The following TAF4B variants were observed in gnomAD, a reference collection of about 807,000 sequenced individuals.
TAF4B encodes the protein transcription initiation factor TFIID subunit 4B.
In TAF4B, 38 loss-of-function variants were observed where a neutral mutation model predicts 86.4. The observed-to-expected ratio is 0.44, with a 90% CI of 0.34 to 0.58. The LOEUF (loss-of-function observed/expected upper bound fraction) is 0.58, where lower values mean the gene tolerates loss of function less well. Ranked by LOEUF, TAF4B falls within the 20% of genes least tolerant of loss-of-function variation. The pLI is 0.02. For synonymous variants in TAF4B, 388 were observed against 391.2 expected (o/e 0.99, Z 0.10); for missense variants, 988 against 1,027.6 (o/e 0.96, Z 0.53).
intron 7 of TAF4B, among the ~76,000 whole-genome samples, chr18:26,287,242 G>A (rs2056535354): frequency 6.6e-6 from 1 of 152,128 alleles, no homozygotes; most frequent in South Asian, 2.1e-4. Flanking sequence ...GGCCTCAACT[G>A]TTCCTCTCGA....
At chr18:26,366,141 G>A (rs1567924597) in intron 14 of TAF4B, among the ~76,000 whole-genome samples, 1 of 152,084 alleles carries the variant, frequency 6.6e-6, no homozygotes, top group African/African-American at 2.4e-5. Context: ...ATTTTATAAA[G>A]GAAGAGTTAT....
chr18:26,289,641 C>G (rs185797255), intron 7 of TAF4B, among the ~76,000 whole-genome samples: 1 of 152,174 alleles, frequency 6.6e-6, no homozygotes. Flanking sequence ...TGCAGACCAT[C>G]ACACCCGGCT....
At chr18:26,314,594 G>C (rs1176691564) in intron 9 of TAF4B, among the ~76,000 whole-genome samples, 2 of 152,128 alleles carry the variant, frequency 1.3e-5, no homozygotes. Flanking sequence ...CACACCAAAA[G>C]TCTGAAACAG....
At chr18:26,285,781 T>C in intron 6 of TAF4B, 101 bp from the exon 7 acceptor site, 1 of 1,385,392 alleles carries the variant, frequency 7.2e-7, no homozygotes, top group Non-Finnish European at 9.8e-7. Context: ...CTTGATACAC[T>C]TTTGATTGGT....
Position 26,304,953 on chromosome 18 carries a change from A to C in TAF4B, c.1833-10276A>C, listed in dbSNP as rs746634221. 1.3e-4 allele frequency: 103 copies of C among 816,490 alleles called. 2 individuals are homozygous for C. The highest frequency in any genetic ancestry group is 1.2e-4 in the Admixed American group (2 of 16,072). The allele number at this position is 816,490 out of a possible 1,614,324, so 50.6% of individuals were successfully genotyped here. On this transcript the variant is annotated intron_variant, in intron 9 of 14. Coordinates refer to ENST00000269142, the MANE Select transcript of TAF4B (RefSeq NM_005640.3). The stretch of plus-strand genomic sequence containing the variant: ...CTTATTGCTTTCCAGACTTATGTAC[A>C]TATGCTGGACAGTAGTAATTCTTTG...
At chr18:26,246,436 G>A (rs1046208974) in intron 1 of TAF4B, among the ~76,000 whole-genome samples, 2 of 152,180 alleles carry the variant, frequency 1.3e-5, no homozygotes, top group African/African-American at 4.8e-5. Flanking sequence ...ATGTAATAGA[G>A]TGTAGCAACA....
At chr18:26,323,373 ACT>A (rs2056978089) in intron 11 of TAF4B, among the ~76,000 whole-genome samples, 1 of 151,988 alleles carries the variant, frequency 6.6e-6, no homozygotes, top group Non-Finnish European at 1.5e-5. Context: ...ACAGGGTCTC[ACT>A]CTGTCATCCA....
chr18:26,261,348 C>T (rs920260659), intron 1 of TAF4B, among the ~76,000 whole-genome samples: 26 of 151,430 alleles, frequency 1.7e-4, no homozygotes, highest in African/African-American at 6.3e-4. Flanking sequence ...CTACAGGCGC[C>T]CGCCACTACG....
intron 14 of TAF4B, among the ~76,000 whole-genome samples, chr18:26,385,560 T>C: frequency 7.8e-6 from 1 of 127,618 alleles, no homozygotes; most frequent in African/African-American, 2.5e-5. Context: ...TCGTTTCATC[T>C]TTCATTTTCA....
chr18:26,295,886 C>T (rs1474969420), intron 9 of TAF4B, among the ~76,000 whole-genome samples: 2 of 152,022 alleles, frequency 1.3e-5, no homozygotes, highest in Admixed American at 1.3e-4. Flanking sequence ...GGTGGTTCCT[C>T]AATTCCTATT....
chr18:26,249,200 T>A (rs1598723767), intron 1 of TAF4B, among the ~76,000 whole-genome samples: 1 of 149,608 alleles, frequency 6.7e-6, no homozygotes, highest in Admixed American at 6.7e-5. Flanking sequence ...GGAACCTGGC[T>A]GGGTGCGGTG....
chr18:26,282,095 G>T (rs759836687), intron 6 of TAF4B, 35 bp downstream of exon 6: 5 of 1,479,796 alleles, frequency 3.4e-6, no homozygotes, highest in Non-Finnish European at 4.7e-6. Context: ...AAATAATTTG[G>T]ATTAGATTAC....
chr18:26,265,377 G>A, intron 2 of TAF4B, 62 bp downstream of exon 2: 1 of 1,505,112 alleles, frequency 6.6e-7, no homozygotes. Context: ...TCATATAAAT[G>A]TTGTGTATAT....
intron 3 of TAF4B, among the ~76,000 whole-genome samples, chr18:26,268,658 C>T (rs1412007037): frequency 6.6e-6 from 1 of 152,100 alleles, no homozygotes; most frequent in Non-Finnish European, 1.5e-5. Flanking sequence ...ACACATACTT[C>T]TTTTTGCCTC....
chr18:26,361,015 G>T (rs879866952), intron 14 of TAF4B, among the ~76,000 whole-genome samples: 1 of 152,010 alleles, frequency 6.6e-6, no homozygotes, highest in Non-Finnish European at 1.5e-5. Flanking sequence ...AGCACTGCAG[G>T]ACTGCCCAAT....
chr18:26,377,341 A>G (rs955272636), intron 14 of TAF4B, among the ~76,000 whole-genome samples: 10 of 152,114 alleles, frequency 6.6e-5, no homozygotes, highest in African/African-American at 2.4e-4. Context: ...TTACGATTCA[A>G]TCTCTTCCTC....
intron 1 of TAF4B, among the ~76,000 whole-genome samples, chr18:26,259,622 T>C (rs1292629766): frequency 6.6e-6 from 1 of 152,242 alleles, no homozygotes; most frequent in African/African-American, 2.4e-5. Context: ...CTCATCCTTT[T>C]TTATGGCTGC....
intron 14 of TAF4B, among the ~76,000 whole-genome samples, chr18:26,374,922 G>A (rs1171726375): frequency 2.0e-5 from 3 of 151,986 alleles, no homozygotes; most frequent in Non-Finnish European, 4.4e-5. Flanking sequence ...TTTTTTCATC[G>A]AGATATAATT....
At chr18:26,300,557 TTTTA>T (rs1327518793) in intron 9 of TAF4B, among the ~76,000 whole-genome samples, 3 of 151,588 alleles carry the variant, frequency 2.0e-5, no homozygotes, top group Non-Finnish European at 2.9e-5. Flanking sequence ...TTCTGGAATA[TTTTA>T]TTTGTTTTCT....
Sources: gnomAD v4.1 joint callset for allele counts (sites outside exome capture counted in the v4.1 genomes callset) on GRCh38, gnomAD v4.1.1 for gene constraint, MANE v1.5 for transcripts, NCBI Gene and HGNC (gene_info 2026-07-23, HGNC 2026-07-21) for gene names.